Variants in KSR2 observed in about 807,000 individuals in gnomAD.
KSR2 encodes the protein kinase suppressor of ras 2.
KSR2 carries 25 observed loss-of-function variants against 107.8 expected under a neutral mutation model. That is an observed-to-expected ratio of 0.23 (90% CI 0.17 to 0.32). KSR2 has a LOEUF of 0.32. KSR2 is among the 10% of genes least tolerant of loss of function. KSR2 has a pLI of 1.00. For missense variants in KSR2, 887 were observed against 1,268.9 expected (o/e 0.70, Z 4.57); for synonymous variants, 480 against 507.0 (o/e 0.95, Z 0.71).
intron 4 of KSR2, among the ~76,000 whole-genome samples, chr12:117,717,773 C>T (rs1374156459): frequency 1.3e-5 from 2 of 151,850 alleles, no homozygotes; most frequent in Non-Finnish European, 2.9e-5. Flanking sequence ...TCCCTCTGGA[C>T]ACAAAGATGG....
chr12:117,880,267 A>G (rs1893985890), intron 1 of KSR2, among the ~76,000 whole-genome samples: 1 of 152,230 alleles, frequency 6.6e-6, no homozygotes, highest in Non-Finnish European at 1.5e-5. Flanking sequence ...TAAAACCAAA[A>G]TATAATTACA....
intron 19 of KSR2, 77 bp from the exon 20 acceptor site, chr12:117,467,282 C>T: frequency 3.2e-6 from 2 of 626,150 alleles, no homozygotes; most frequent in Non-Finnish European, 5.8e-6. Flanking sequence ...GAATGACACC[C>T]TCTCAGTGGG....
chr12:117,745,341 T>C (rs1888370075), intron 4 of KSR2, among the ~76,000 whole-genome samples: 2 of 152,030 alleles, frequency 1.3e-5, no homozygotes, highest in Non-Finnish European at 2.9e-5. Context: ...AATAGACAAA[T>C]GGGATTTCAT....
In KSR2 at chr12:117,456,520, C is replaced by G. The variant is rs907968415; in HGVS notation, c.*10679G>C. 6.6e-6 allele frequency: 1 copy of G among 152,222 alleles called. No homozygotes were observed. The highest frequency in any genetic ancestry group is 2.4e-5 in the African/African-American group (1 of 41,452). The allele number at this position is 152,222 out of a possible 1,614,324, so 9.4% of individuals were successfully genotyped here. A position where few individuals can be genotyped will look rare whatever the true frequency, so the allele number is the denominator to read the frequency against. ...CATTACATTTGTTGTCCAGGACGCACTTAAGCTGCCAATGCCCCAACCTGG... is the reference window on the plus strand; with the variant it reads ...CATTACATTTGTTGTCCAGGACGCAGTTAAGCTGCCAATGCCCCAACCTGG... On this transcript the variant is annotated 3_prime_UTR_variant, in exon 20 of 20. Transcript: ENST00000339824.
intron 14 of KSR2, among the ~76,000 whole-genome samples, chr12:117,510,498 T>C (rs755478495): frequency 6.6e-6 from 1 of 152,164 alleles, no homozygotes; most frequent in African/African-American, 2.4e-5. Flanking sequence ...CCATACCCAA[T>C]ATTCTTTCTA....
At chr12:117,925,764 A>G (rs954186055) in intron 1 of KSR2, among the ~76,000 whole-genome samples, 2 of 152,224 alleles carry the variant, frequency 1.3e-5, no homozygotes, top group Non-Finnish European at 2.9e-5. Context: ...TCAAAGACGC[A>G]TGGCTAGTAA....
intron 14 of KSR2, among the ~76,000 whole-genome samples, chr12:117,491,594 G>C (rs1285240446): frequency 6.6e-6 from 1 of 152,046 alleles, no homozygotes; most frequent in East Asian, 1.9e-4. Flanking sequence ...ATAATACTCC[G>C]CCGCATTTAT....
chr12:117,658,345 A>G (rs1207809680), intron 5 of KSR2, among the ~76,000 whole-genome samples: 3 of 152,238 alleles, frequency 2.0e-5, no homozygotes, highest in African/African-American at 7.2e-5. Flanking sequence ...AAACTATTGC[A>G]TAGTTTGGAC....
At chr12:117,914,638 C>T (rs1895123779) in intron 1 of KSR2, among the ~76,000 whole-genome samples, 1 of 152,084 alleles carries the variant, frequency 6.6e-6, no homozygotes, top group Non-Finnish European at 1.5e-5. Flanking sequence ...AGGCTCAAGC[C>T]ATCCTCCCAC....
chr12:117,632,321 T>C (rs1162746008), intron 5 of KSR2, among the ~76,000 whole-genome samples: 1 of 144,938 alleles, frequency 6.9e-6, no homozygotes, highest in African/African-American at 2.5e-5. Context: ...ACCTCCCAGG[T>C]TCAAGTGATT....
chr12:117,838,764 G>A (rs976342018), intron 3 of KSR2, among the ~76,000 whole-genome samples: 2 of 152,100 alleles, frequency 1.3e-5, no homozygotes, highest in East Asian at 3.9e-4. Flanking sequence ...CTTTACATCA[G>A]ACCAAAATCT....
Position 117,750,270 on chromosome 12 carries a change from GA to G in KSR2, c.986+10740del, listed in dbSNP as rs1888569990. ...GTCTTAAAAAAAAAAAAAAAAAAAA[GA>G]AGAACTTTCTTATGCAGAGTAATAA... is the stretch of plus-strand genomic sequence containing the variant. On this transcript the variant is annotated intron_variant, in intron 4 of 19. Transcript: ENST00000339824. Among the ~76,000 whole-genome samples the G allele has an allele frequency of 4.2e-5, 5 of 119,078 alleles. No individual in the cohort carries two copies. In the South Asian group the frequency reaches 1.4e-3, roughly 32 times the overall value. 78.1% of individuals were successfully genotyped at this position (119,078 alleles called of 152,430 possible). A position where few individuals can be genotyped will look rare whatever the true frequency, so the allele number is the denominator to read the frequency against.
chr12:117,793,111 T>A (rs1890329322), intron 3 of KSR2, among the ~76,000 whole-genome samples: 1 of 83,816 alleles, frequency 1.2e-5, no homozygotes, highest in South Asian at 4.8e-4. Flanking sequence ...CACACCAACG[T>A]GCACACAAAC....
chr12:117,616,143 AGAGT>A (rs1881871643), intron 5 of KSR2, among the ~76,000 whole-genome samples: 1 of 143,838 alleles, frequency 7.0e-6, no homozygotes, highest in Non-Finnish European at 1.5e-5. Context: ...CCTGGGTGAC[AGAGT>A]GAGACCCTGT....
At chr12:117,767,784 C>CAAAA (rs35307926) in intron 3 of KSR2, among the ~76,000 whole-genome samples, 1 of 85,784 alleles carries the variant, frequency 1.2e-5, no homozygotes, top group Non-Finnish European at 2.4e-5. Context: ...GACTCCGTCT[C>CAAAA]AAAAAAAAAA....
At chr12:117,768,316 T>G (rs961115944) in intron 3 of KSR2, among the ~76,000 whole-genome samples, 4 of 152,304 alleles carry the variant, frequency 2.6e-5, no homozygotes, top group African/African-American at 9.6e-5. Flanking sequence ...GAGGGGCTGG[T>G]GCTTCTTTGA....
At chr12:117,848,838 G>GTGGGTGGTGATGGTGGTGGTGA (rs1566048359) in intron 3 of KSR2, among the ~76,000 whole-genome samples, 19 of 93,592 alleles carry the variant, frequency 2.0e-4, no homozygotes, top group Non-Finnish European at 3.8e-4. Context: ...GGTGGTAGTG[G>GTGGGTGGTGATGGTGGTGGTGA]TGGTGATGGT....
intron 3 of KSR2, among the ~76,000 whole-genome samples, chr12:117,803,763 G>T (rs1252287313): frequency 6.6e-6 from 1 of 152,132 alleles, no homozygotes; most frequent in Non-Finnish European, 1.5e-5. Flanking sequence ...CACTAGCTAC[G>T]ATTCTGTCTT....
intron 4 of KSR2, among the ~76,000 whole-genome samples, chr12:117,735,010 T>C (rs1887886829): frequency 6.6e-6 from 1 of 152,174 alleles, no homozygotes; most frequent in Non-Finnish European, 1.5e-5. Flanking sequence ...TCTGGGTGCG[T>C]TTCTGGGGCC....
Sources: gnomAD v4.1 joint callset for allele counts (sites outside exome capture counted in the v4.1 genomes callset) on GRCh38, gnomAD v4.1.1 for gene constraint, MANE v1.5 for transcripts, NCBI Gene and HGNC (gene_info 2026-07-23, HGNC 2026-07-21) for gene names.